CACHD1: variants seen among roughly 807,000 people sequenced by gnomAD.
The protein encoded by CACHD1 is cache domain containing 1, also known as VWFA and cache domain-containing protein 1.
In CACHD1, 71 loss-of-function variants were observed where a neutral mutation model predicts 138.7. The ratio of observed to expected loss-of-function variants is 0.51; its 90% CI spans 0.42 to 0.62. The LOEUF (loss-of-function observed/expected upper bound fraction) is 0.62. CACHD1 is among the 20% of genes least tolerant of loss of function. The pLI is 0.00. For synonymous variants in CACHD1, 578 were observed against 591.5 expected (o/e 0.98, Z 0.33); for missense variants, 1,389 against 1,625.3 (o/e 0.85, Z 2.50).
intron 8 of CACHD1, among the ~76,000 whole-genome samples, chr1:64,645,726 A>C (rs1648880210): frequency 6.6e-6 from 1 of 152,164 alleles, no homozygotes; most frequent in Non-Finnish European, 1.5e-5. Flanking sequence ...GCCCCCGTGC[A>C]TGCTCAGTGA....
chr1:64,539,043 G>A (rs111373685), intron 1 of CACHD1, among the ~76,000 whole-genome samples: 31 of 152,228 alleles, frequency 2.0e-4, no homozygotes, highest in African/African-American at 7.2e-4. Context: ...TTTGGGGGAG[G>A]TAAGACACAT....
intron 1 of CACHD1, among the ~76,000 whole-genome samples, chr1:64,482,795 A>G (rs1570294214): frequency 6.6e-6 from 1 of 152,206 alleles, no homozygotes; most frequent in Non-Finnish European, 1.5e-5. Flanking sequence ...CATTATTTGC[A>G]CATATTCAGA....
At chr1:64,629,608 T>A (rs1236506258) in intron 5 of CACHD1, 127 bp downstream of exon 5, 1 of 1,148,564 alleles carries the variant, frequency 8.7e-7, no homozygotes, top group Non-Finnish European at 1.2e-6. Flanking sequence ...GTACTTGTTC[T>A]GAAATGAATT....
chr1:64,510,249 G>GTC (rs1450772501), intron 1 of CACHD1, among the ~76,000 whole-genome samples: 1 of 152,152 alleles, frequency 6.6e-6, no homozygotes, highest in Admixed American at 6.5e-5. Context: ...AAGATTCAGT[G>GTC]AAGTTTTGGA....
At chr1:64,484,803 G>A (rs1389529168) in intron 1 of CACHD1, among the ~76,000 whole-genome samples, 2 of 152,244 alleles carry the variant, frequency 1.3e-5, no homozygotes, top group Non-Finnish European at 2.9e-5. Flanking sequence ...GCATGTGTCA[G>A]AATTTCCTTT....
chr1:64,663,586 A>T, intron 13 of CACHD1, 109 bp from the exon 14 acceptor site: 2 of 1,283,990 alleles, frequency 1.6e-6, no homozygotes, highest in Admixed American at 2.3e-5. Flanking sequence ...AAAAAAAAAG[A>T]CATTAAGCCA....
At chr1:64,503,571 G>A (rs534659751) in intron 1 of CACHD1, among the ~76,000 whole-genome samples, 1 of 152,290 alleles carries the variant, frequency 6.6e-6, no homozygotes, top group Non-Finnish European at 1.5e-5. Flanking sequence ...TTCAAATGCT[G>A]TGTAGCATGG....
intron 1 of CACHD1, chr1:64,506,181 C>A (rs1646375197): frequency 6.6e-6 from 1 of 152,176 alleles, no homozygotes; most frequent in Non-Finnish European, 1.5e-5. Flanking sequence ...CTTCACCTGT[C>A]AGACTGGACT....
chr1:64,512,393 C>CAAAAAAAAAAAAA lies in CACHD1; in HGVS notation c.199-38187_199-38175dup, dbSNP rs551616431. 5.2e-4 allele frequency among the ~76,000 whole-genome samples: 41 copies of CAAAAAAAAAAAAA among 78,594 alleles called. 2 individuals carry two copies. Among genetic ancestry groups the CAAAAAAAAAAAAA allele is most frequent in the African/African-American group, 1.7e-3 (26 of 15,578 alleles). The allele number at this position is 78,594 out of a possible 152,430, so 51.6% of individuals were successfully genotyped here. On this transcript the variant is annotated intron_variant, in intron 1 of 26. Transcript: ENST00000651257. ...TCGGTGACACAGTGAGACTGTGTCT[C>CAAAAAAAAAAAAA]AAAAAAAAAAAAAAAAAAAAAAAAA...
At chr1:64,671,799 T>G in intron 17 of CACHD1, 113 bp downstream of exon 17, 1 of 1,320,136 alleles carries the variant, frequency 7.6e-7, no homozygotes, top group Non-Finnish European at 1.1e-6. Context: ...AAATCTAATT[T>G]ATGGCCTGGG....
In CACHD1 at chr1:64,605,201, G is replaced by T. The variant is rs192596046; in HGVS notation, c.517+2289G>T. On this transcript the variant is annotated intron_variant, in intron 4 of 26. Transcript: ENST00000651257. Reference sequence around the variant, plus strand: ...GCTGGTCTCGAACTCCTAAACTCAGGTGGTCCACCTGCCTCGGCCTCCTAA... The same window carrying T: ...GCTGGTCTCGAACTCCTAAACTCAGTTGGTCCACCTGCCTCGGCCTCCTAA... 4.6e-5 allele frequency among the ~76,000 whole-genome samples: 7 copies of T among 152,130 alleles called. No individual in the cohort carries two copies. In the East Asian group the frequency reaches 9.7e-4, roughly 21 times the overall value.
intron 16 of CACHD1, among the ~76,000 whole-genome samples, chr1:64,667,618 A>T (rs982843977): frequency 6.6e-6 from 1 of 152,238 alleles, no homozygotes; most frequent in Non-Finnish European, 1.5e-5. Flanking sequence ...GTGACTTGTC[A>T]TGCCTCCCAT....
chr1:64,632,247 CT>C (rs1245594787), intron 5 of CACHD1, among the ~76,000 whole-genome samples: 1 of 92,424 alleles, frequency 1.1e-5, no homozygotes, highest in Non-Finnish European at 2.0e-5. Flanking sequence ...TAACATCCTG[CT>C]TTTTTCTGAA....
chr1:64,643,979 A>C (rs1648822431), intron 8 of CACHD1, among the ~76,000 whole-genome samples: 1 of 152,214 alleles, frequency 6.6e-6, no homozygotes. Context: ...CTTTCTGCCT[A>C]ATTCTGACAA....
chr1:64,558,232 T>C (rs953088193), intron 2 of CACHD1, among the ~76,000 whole-genome samples: 2 of 152,258 alleles, frequency 1.3e-5, no homozygotes, highest in African/African-American at 4.8e-5. Context: ...TTGATCCTTT[T>C]CATCTTCCTT....
At chr1:64,672,124 T>C (rs1401742828) in intron 17 of CACHD1, among the ~76,000 whole-genome samples, 1 of 152,220 alleles carries the variant, frequency 6.6e-6, no homozygotes, top group Non-Finnish European at 1.5e-5. Context: ...ACCAAAAGTC[T>C]CTGCCTCCTG....
intron 1 of CACHD1, among the ~76,000 whole-genome samples, chr1:64,503,095 G>A (rs1015932708): frequency 6.6e-6 from 1 of 152,136 alleles, no homozygotes; most frequent in Non-Finnish European, 1.5e-5. Flanking sequence ...AATGACCCAA[G>A]ATACAGTTTC....
At chr1:64,666,209 C>T (rs770882659) in intron 16 of CACHD1, 42 bp downstream of exon 16, 1 of 1,319,030 alleles carries the variant, frequency 7.6e-7, no homozygotes, top group Non-Finnish European at 1.1e-6. Context: ...TTAAATATAT[C>T]AAGGATATTT....
chr1:64,658,356 A>G (rs560940807), intron 12 of CACHD1, among the ~76,000 whole-genome samples: 2 of 152,334 alleles, frequency 1.3e-5, no homozygotes, highest in African/African-American at 4.8e-5. Context: ...CCAAATAGAA[A>G]TAAGTGTTAT....
Sources: gnomAD v4.1 joint callset for allele counts (sites outside exome capture counted in the v4.1 genomes callset) on GRCh38, gnomAD v4.1.1 for gene constraint, MANE v1.5 for transcripts, NCBI Gene and HGNC (gene_info 2026-07-23, HGNC 2026-07-21) for gene names.